COL4A3: variants seen among roughly 807,000 people sequenced by gnomAD.
COL4A3 encodes collagen alpha-3(IV) chain.
Under a neutral mutation model 217.4 loss-of-function variants are expected in COL4A3, and 135 were observed. That is an observed-to-expected ratio of 0.62 (90% confidence interval 0.54 to 0.72). COL4A3 has a LOEUF of 0.72. Among genes scored for constraint, COL4A3 ranks in the 30% least tolerant of loss-of-function variants. The pLI is 0.00. For synonymous variants in COL4A3, 690 were observed against 736.3 expected (o/e 0.94, Z 1.02); for missense variants, 1,868 against 2,119.9 (o/e 0.88, Z 2.33).
Position 227,311,262 on chromosome 2 carries a change from T to C in COL4A3, c.4928+314T>C, listed in dbSNP as rs139694063. Among the ~76,000 whole-genome samples the C allele has an allele frequency of 4.4e-3, 676 of 152,326 alleles. 15 individuals are homozygous for C. Among genetic ancestry groups the C allele is most frequent in the Middle Eastern group, 6.8e-3 (2 of 294 alleles). On this transcript the variant is annotated intron_variant, in intron 51 of 51. Coordinates refer to ENST00000396578, the MANE Select transcript of COL4A3 (RefSeq NM_000091.5). The stretch of plus-strand genomic sequence containing the variant: ...ATCTATAAGTTTTCATCAAGGCCTA[T>C]GTTTCTTTAATGCTGCTGAAATATG...
At chr2:227,225,709 C>CTTTTT (rs71829862) in intron 1 of COL4A3, among the ~76,000 whole-genome samples, 76 of 126,236 alleles carry the variant, frequency 6.0e-4, no homozygotes, top group African/African-American at 7.2e-4. Context: ...CTTTTTCTTT[C>CTTTTT]TTTTTTTTTT....
intron 28 of COL4A3, among the ~76,000 whole-genome samples, chr2:227,279,108 G>A (rs1228938603): frequency 8.3e-5 from 12 of 144,542 alleles, no homozygotes; most frequent in South Asian, 2.2e-4. Context: ...ACAAAGTTTC[G>A]CTTTTGTTGC....
At position 227,248,516 on chromosome 2, in the gene COL4A3, C is replaced by A. The variant is rs775936375; in HGVS notation, c.542C>A (p.Pro181His). ...GDPGLPGAPG[P>H]QGLPGPPGFP... ...CCCGGGTTGCCAGGGGCTCCAGGAC[C>A]CCAGGTACAGCACTTCAGAGAAGGT... is the stretch of plus-strand genomic sequence containing the variant. The change falls in exon 9 of 52, where the codon CCC (proline) becomes CAC (histidine). Residue 181 changes from proline (P) to histidine (H), a missense_variant. Pro to His is a moderately conservative substitution (Grantham distance 77). Around this residue, in one of 2 missense-constraint regions of COL4A3, gnomAD observed 365 missense variants for 333.8 expected, o/e 1.09. Coordinates refer to ENST00000396578, the MANE Select transcript of COL4A3 (RefSeq NM_000091.5). 6.2e-7 allele frequency: 1 copy of A among 1,610,632 alleles called. No homozygotes were observed. The highest frequency in any genetic ancestry group is 8.5e-7 in the Non-Finnish European group (1 of 1,177,036).
chr2:227,209,223 G>A (rs2067221412), intron 1 of COL4A3, among the ~76,000 whole-genome samples: 1 of 152,212 alleles, frequency 6.6e-6, no homozygotes, highest in African/African-American at 2.4e-5. Context: ...TTCCCTAAGA[G>A]TATGTGGCCT....
At chr2:227,240,575 CT>C in intron 3 of COL4A3, among the ~76,000 whole-genome samples, 1 of 152,218 alleles carries the variant, frequency 6.6e-6, no homozygotes, top group East Asian at 1.9e-4. Flanking sequence ...TGTGCCCCAT[CT>C]TTGGGATTCC....
chr2:227,243,531 T>A (rs1054775974), intron 3 of COL4A3, among the ~76,000 whole-genome samples: 1 of 152,196 alleles, frequency 6.6e-6, no homozygotes, highest in African/African-American at 2.4e-5. Flanking sequence ...AATTCCGCCA[T>A]AGATGGGAGA....
chr2:227,211,799 A>C (rs1470601842), intron 1 of COL4A3, among the ~76,000 whole-genome samples: 1 of 152,064 alleles, frequency 6.6e-6, no homozygotes, highest in Non-Finnish European at 1.5e-5. Context: ...CTGGGATTAC[A>C]GGGGTGCGCC....
Position 227,263,016 on chromosome 2 carries a change from A to G in COL4A3, c.1151-764A>G, listed in dbSNP as rs2070683915. 2.6e-5 allele frequency among the ~76,000 whole-genome samples: 4 copies of G among 152,356 alleles called. No individual in the cohort carries two copies. In the South Asian group the frequency reaches 8.3e-4, roughly 32 times the overall value. On this transcript the variant is annotated intron_variant, in intron 20 of 51. Transcript: ENST00000396578. ...AATACCCTGACATGATCATTACACT[A>G]CACATTTGATACATGTAACAAAATC...
rs113440927 is a variant in COL4A3 at position 227,169,387 on chromosome 2, A to G, written c.87+4574A>G. 2.1e-3 allele frequency: 308 copies of G among 145,824 alleles called. 4 individuals are homozygous for G. Among genetic ancestry groups the G allele is most frequent in the East Asian group, 0.015 (72 of 4,728 alleles). 9.0% of individuals were successfully genotyped at this position (145,824 alleles called of 1,614,324 possible). On this transcript the variant is annotated intron_variant, in intron 1 of 51. Coordinates refer to ENST00000396578, the MANE Select transcript of COL4A3 (RefSeq NM_000091.5). ...TGTCTTTATAGCAGCATGATTCATAATCCTTTGGGTATATACCCAGTAATG... is the reference window on the plus strand; with the variant it reads ...TGTCTTTATAGCAGCATGATTCATAGTCCTTTGGGTATATACCCAGTAATG...
intron 27 of COL4A3, 119 bp from the exon 28 acceptor site, chr2:227,277,330 A>C: frequency 2.8e-6 from 2 of 725,708 alleles, no homozygotes; most frequent in South Asian, 3.3e-5. Flanking sequence ...AGGAAAAAAA[A>C]AAAAAAAAAA....
chr2:227,169,493 T>G lies in COL4A3; in HGVS notation c.87+4680T>G, dbSNP rs548168161. On this transcript the variant is annotated intron_variant, in intron 1 of 51. Coordinates refer to ENST00000396578, the MANE Select transcript of COL4A3 (RefSeq NM_000091.5). ...TGACTTCCACAATGGTTGAACTAGTTTACAGTCCCACCAACAGTGTAAAAG... is the reference window on the plus strand; with the variant it reads ...TGACTTCCACAATGGTTGAACTAGTGTACAGTCCCACCAACAGTGTAAAAG... Among the ~76,000 whole-genome samples the G allele has an allele frequency of 1.2e-3, 183 of 151,450 alleles. 2 individuals are homozygous for G. The highest frequency in any genetic ancestry group is 2.4e-3 in the Non-Finnish European group (163 of 67,740).
At chr2:227,174,405 T>C (rs1477758203) in intron 1 of COL4A3, among the ~76,000 whole-genome samples, 1 of 152,214 alleles carries the variant, frequency 6.6e-6, no homozygotes, top group Non-Finnish European at 1.5e-5. Flanking sequence ...TCTCTTTTTC[T>C]TGTCTGAAAA....
chr2:227,296,553 C>T lies in COL4A3; in HGVS notation c.3566-1121C>T, dbSNP rs374050937. The T allele has an allele frequency of 1.7e-5, 16 of 931,330 alleles. No individual in the cohort carries two copies. The East Asian group carries it at 1.3e-3, about 75-fold the overall frequency. The allele number at this position is 931,330 out of a possible 1,614,324, so 57.7% of individuals were successfully genotyped here. A position where few individuals can be genotyped will look rare whatever the true frequency, so the allele number is the denominator to read the frequency against. On this transcript the variant is annotated intron_variant, in intron 41 of 51. Transcript: ENST00000396578. ...TATGAATCCTTTTAATTAGTTTATT[C>T]TCCCAAATCCTAAAAAGAAATCATA...
intron 8 of COL4A3, 160 bp from the exon 9 acceptor site, chr2:227,248,283 T>C: frequency 3.0e-6 from 2 of 674,702 alleles, no homozygotes; most frequent in South Asian, 3.0e-5. Context: ...ATGCTTTGAA[T>C]TCTTCATAAT....
At chr2:227,207,248 A>T (rs1014916543) in intron 1 of COL4A3, among the ~76,000 whole-genome samples, 2 of 152,250 alleles carry the variant, frequency 1.3e-5, no homozygotes, top group Non-Finnish European at 2.9e-5. Flanking sequence ...AAAACAACCA[A>T]GAAAGTTAGT....
At chr2:227,275,331 C>T (rs1267124731) in intron 26 of COL4A3, among the ~76,000 whole-genome samples, 1 of 152,080 alleles carries the variant, frequency 6.6e-6, no homozygotes. Flanking sequence ...CAGGCGCACA[C>T]CACCAGGCCT....
chr2:227,190,470 GAT>G (rs1438957033), intron 1 of COL4A3, among the ~76,000 whole-genome samples: 1 of 152,112 alleles, frequency 6.6e-6, no homozygotes, highest in Non-Finnish European at 1.5e-5. Context: ...CACATAAATA[GAT>G]ATGTTTTATA....
rs1448320948 is a variant in COL4A3, at chr2:227,297,653, A to T, written c.3566-21A>T. 2.5e-6 allele frequency: 4 copies of T among 1,596,550 alleles called. No homozygotes were observed. In the South Asian group the frequency reaches 4.6e-5, roughly 18 times the overall value. ...AAGCATATGGGCATTAAAGAAACTT[A>T]TTAAGCCTTCTTCTTTGCAGGAGCC... On this transcript the variant is annotated intron_variant, in intron 41 of 51. Coordinates refer to ENST00000396578, the MANE Select transcript of COL4A3 (RefSeq NM_000091.5).
intron 3 of COL4A3, 63 bp downstream of exon 3, chr2:227,240,295 T>C (rs1162273529): frequency 2.1e-6 from 3 of 1,450,768 alleles, no homozygotes; most frequent in African/African-American, 2.8e-5. Flanking sequence ...GCCTACCCCC[T>C]GGCTGCTGCA....
Sources: allele counts gnomAD v4.1 joint callset (sites outside exome capture counted in the v4.1 genomes callset), GRCh38; gene constraint gnomAD v4.1.1; regional missense constraint gnomAD v4.1.1; transcripts MANE v1.5; gene names NCBI Gene and HGNC (gene_info 2026-07-23, HGNC 2026-07-21).